The following DAB1 variants were observed in gnomAD, a reference collection of about 807,000 sequenced individuals.
The protein encoded by DAB1 is disabled homolog 1.
In DAB1, 15 loss-of-function variants were observed where a neutral mutation model predicts 64.6. That is an observed-to-expected ratio of 0.23 (90% confidence interval 0.16 to 0.36). DAB1 has a LOEUF of 0.36. Ranked by LOEUF, DAB1 falls within the 10% of genes least tolerant of loss-of-function variation. The pLI, the probability that DAB1 is intolerant of heterozygous loss-of-function variation, is 1.00. For synonymous variants in DAB1, 235 were observed against 251.9 expected (o/e 0.93, Z 0.64); for missense variants, 596 against 706.7 (o/e 0.84, Z 1.78).
chr1:57,789,340 G>A (rs1411167632), intron 6 of DAB1, among the ~76,000 whole-genome samples: 1 of 152,156 alleles, frequency 6.6e-6, no homozygotes, highest in African/African-American at 2.4e-5. Context: ...GAAACAGAGG[G>A]TATGGCCCCA....
At chr1:57,537,134 T>C (rs1644739701) in intron 7 of DAB1, among the ~76,000 whole-genome samples, 1 of 152,216 alleles carries the variant, frequency 6.6e-6, no homozygotes, top group Non-Finnish European at 1.5e-5. Context: ...CAAATTAACT[T>C]TACTTGTTTC....
chr1:57,037,957 T>C (rs1318326905), intron 9 of DAB1, among the ~76,000 whole-genome samples: 1 of 152,236 alleles, frequency 6.6e-6, no homozygotes, highest in Admixed American at 6.5e-5. Flanking sequence ...AGTAGATACA[T>C]GCACACTTCA....
chr1:58,111,195 A>G (rs1246016547), intron 5 of DAB1, among the ~76,000 whole-genome samples: 1 of 152,166 alleles, frequency 6.6e-6, no homozygotes, highest in African/African-American at 2.4e-5. Context: ...AGAAGCTAGA[A>G]TTTCTTCCAG....
chr1:57,435,916 CTTTT>C (rs1183686656), intron 7 of DAB1, among the ~76,000 whole-genome samples: 4 of 127,194 alleles, frequency 3.1e-5, no homozygotes, highest in Admixed American at 7.9e-5. Flanking sequence ...TTTTTTCTTT[CTTTT>C]TTTTTTTTTT....
At chr1:58,461,924 T>A (rs949889243) in intron 3 of DAB1, among the ~76,000 whole-genome samples, 1 of 152,160 alleles carries the variant, frequency 6.6e-6, no homozygotes. Flanking sequence ...ATTTCTCTCC[T>A]CACACCAAGG....
chr1:57,756,316 AG>A (rs111547224), intron 6 of DAB1, among the ~76,000 whole-genome samples: 2,837 of 152,316 alleles, frequency 0.019, 101 homozygotes, highest in African/African-American at 0.065. Flanking sequence ...GACACAGAAC[AG>A]CACCAAGAAG....
At position 58,418,544 on chromosome 1, in the gene DAB1, G is replaced by T. The variant is rs540968185; in HGVS notation, n.258-75141C>A. ...AGTGTAGGGAGACAGAGATGATTAA[G>T]ACCTAGTTTTTGTCATTAAAGGGTT... On this transcript the variant is annotated intron_variant and non_coding_transcript_variant, in intron 3 of 20. Transcript: ENST00000485760. 2.0e-5 allele frequency among the ~76,000 whole-genome samples: 3 copies of T among 152,084 alleles called. No homozygotes were observed. The East Asian group carries it at 5.8e-4, about 29-fold the overall frequency.
chr1:57,748,873 G>A lies in DAB1; in HGVS notation n.552-99208C>T, dbSNP rs150518765. ...GAATGGAAATCTTTTCATGCAGGCT[G>A]GCCAATTCAAGCCATGCGTACGATG... is the stretch of plus-strand genomic sequence containing the variant. On this transcript the variant is annotated intron_variant and non_coding_transcript_variant, in intron 6 of 20. Coordinates refer to the DAB1 transcript ENST00000485760. Among the ~76,000 whole-genome samples the A allele has an allele frequency of 3.0e-3, 454 of 152,262 alleles. 3 individuals are homozygous for A. The highest frequency in any genetic ancestry group is 0.01 in the African/African-American group (434 of 41,558).
At position 57,521,831 on chromosome 1, in the gene DAB1, C is replaced by T. The variant is rs372594548; in HGVS notation, n.625+127761G>A. Among the ~76,000 whole-genome samples, 18 of 152,246 alleles carry T rather than the reference C, an allele frequency of 1.2e-4. No individual in the cohort carries two copies. The East Asian group carries it at 2.1e-3, about 18-fold the overall frequency. On this transcript the variant is annotated intron_variant and non_coding_transcript_variant, in intron 7 of 20. Transcript: ENST00000485760. Reference sequence around the variant, plus strand: ...TCAAAGAGAAAAGAGCCCATTCGGCCGGGCGTGGTGGCTCATGCCTGTAAT... The same window carrying T: ...TCAAAGAGAAAAGAGCCCATTCGGCTGGGCGTGGTGGCTCATGCCTGTAAT...
At chr1:58,131,439 A>T (rs1653564089) in intron 5 of DAB1, among the ~76,000 whole-genome samples, 1 of 146,024 alleles carries the variant, frequency 6.8e-6, no homozygotes, top group African/African-American at 2.5e-5. Context: ...TGATCGTCTG[A>T]AGCCTTCTTC....
chr1:57,916,980 T>C (rs1644736391), intron 5 of DAB1, among the ~76,000 whole-genome samples: 1 of 152,106 alleles, frequency 6.6e-6, no homozygotes, highest in South Asian at 2.1e-4. Flanking sequence ...CATCTAAAGT[T>C]ATGCAGAAGG....
intron 7 of DAB1, among the ~76,000 whole-genome samples, chr1:57,561,677 A>C (rs1403009448): frequency 6.6e-6 from 1 of 152,164 alleles, no homozygotes; most frequent in Non-Finnish European, 1.5e-5. Context: ...TCTTCACACC[A>C]AGGGACAATG....
chr1:57,660,509 G>A (rs1201646784), intron 6 of DAB1, among the ~76,000 whole-genome samples: 1 of 152,180 alleles, frequency 6.6e-6, no homozygotes, highest in East Asian at 1.9e-4. Context: ...AAGTACAGAT[G>A]GCAAAAGGAG....
intron 7 of DAB1, chr1:57,606,281 C>T (rs777035310): frequency 5.0e-5 from 8 of 161,354 alleles, no homozygotes; most frequent in African/African-American, 1.2e-4. Flanking sequence ...CAGGAGTCGG[C>T]GGATGATAGC....
chr1:58,070,366 A>C (rs1649157406), intron 5 of DAB1, among the ~76,000 whole-genome samples: 2 of 152,188 alleles, frequency 1.3e-5, no homozygotes, highest in South Asian at 4.1e-4. Flanking sequence ...CACACAGTAC[A>C]TGGATTTGCT....
At chr1:57,657,556 A>G (rs1275912937) in intron 6 of DAB1, among the ~76,000 whole-genome samples, 1 of 152,214 alleles carries the variant, frequency 6.6e-6, no homozygotes, top group Non-Finnish European at 1.5e-5. Flanking sequence ...TCTAATCTGC[A>G]GTGACAATTT....
intron 4 of DAB1, among the ~76,000 whole-genome samples, chr1:58,251,867 A>G (rs980149846): frequency 1.3e-5 from 2 of 151,994 alleles, no homozygotes; most frequent in Admixed American, 6.6e-5. Flanking sequence ...GAAGGAGAGG[A>G]TCCAATCAGA....
intron 2 of DAB1, among the ~76,000 whole-genome samples, chr1:57,249,126 C>A (rs1200036163): frequency 6.6e-6 from 1 of 152,014 alleles, no homozygotes; most frequent in Non-Finnish European, 1.5e-5. Context: ...GTTTTTTTGC[C>A]AGTGAGGAAC....
At chr1:58,231,114 C>T (rs1659757246) in intron 4 of DAB1, among the ~76,000 whole-genome samples, 1 of 152,122 alleles carries the variant, frequency 6.6e-6, no homozygotes, top group African/African-American at 2.4e-5. Flanking sequence ...ATGCCTGGCA[C>T]ATAGTAAAAT....
Sources: allele counts gnomAD v4.1 joint callset (sites outside exome capture counted in the v4.1 genomes callset), GRCh38; gene constraint gnomAD v4.1.1; transcripts MANE v1.5; gene names NCBI Gene and HGNC (gene_info 2026-07-23, HGNC 2026-07-21).